The following MYH14 variants were observed in gnomAD, a reference collection of about 807,000 sequenced individuals.
The protein encoded by MYH14 is myosin heavy chain 14.
Under a neutral mutation model 255.5 loss-of-function variants are expected in MYH14, and 123 were observed. The ratio of observed to expected loss-of-function variants is 0.48; its 90% CI spans 0.42 to 0.56. The LOEUF is 0.56. Among genes scored for constraint, MYH14 ranks in the 20% least tolerant of loss-of-function variants. The pLI is 0.00. For missense variants in MYH14, 2,423 were observed against 2,802.3 expected, an observed-to-expected ratio of 0.86 and a Z score of 3.06; for synonymous variants, 1,095 against 1,161.2, an observed-to-expected ratio of 0.94 and a Z score of 1.16.
chr19:50,303,162 T>C (rs944137435), intron 40 of MYH14, among the ~76,000 whole-genome samples: 8 of 152,212 alleles, frequency 5.3e-5, no homozygotes, highest in African/African-American at 1.7e-4. Context: ...TTCTGCTCAT[T>C]TGGGCTTGGT....
intron 11 of MYH14, among the ~76,000 whole-genome samples, chr19:50,244,557 C>T (rs964126849): frequency 7.3e-5 from 11 of 149,684 alleles, no homozygotes; most frequent in Non-Finnish European, 1.6e-4. Flanking sequence ...GATCTCAGCT[C>T]ACTGCAAGCT....
At chr19:50,239,911 C>T (rs2033823431) in intron 10 of MYH14, among the ~76,000 whole-genome samples, 1 of 152,164 alleles carries the variant, frequency 6.6e-6, no homozygotes, top group African/African-American at 2.4e-5. Flanking sequence ...ATAAAAGGAG[C>T]ACAGGCCCTT....
intron 40 of MYH14, among the ~76,000 whole-genome samples, chr19:50,304,090 C>A (rs2036579432): frequency 6.6e-6 from 1 of 152,076 alleles, no homozygotes; most frequent in Non-Finnish European, 1.5e-5. Flanking sequence ...TGTATGATAC[C>A]ACATAATCCC....
At chr19:50,236,172 A>T (rs1176387343) in intron 10 of MYH14, among the ~76,000 whole-genome samples, 2 of 151,974 alleles carry the variant, frequency 1.3e-5, no homozygotes, top group Non-Finnish European at 2.9e-5. Context: ...TCTTTACAAA[A>T]AACACAAAAA....
At position 50,309,129 on chromosome 19, in the gene MYH14, C is replaced by T. The variant is rs777517519; in HGVS notation, c.5912C>T (p.Ser1971Leu). ...CGTGAGCTGGAAGATGTCACAGAGT[C>T]GGCCGAGTCCATGAACCGTGAAGTG... ...LQRELEDVTE[S>L]AESMNREVTT... Residue 1971 changes from serine (S) to leucine (L), a missense_variant, in exon 42 of 43, where the codon TCG becomes TTG. Physicochemically the swap from Ser to Leu is moderately radical, Grantham distance 145. Around this residue, in one of 3 missense-constraint regions of MYH14, gnomAD observed 1,513 missense variants for 1,674.8 expected, o/e 0.90. Coordinates refer to ENST00000642316, the MANE Select transcript of MYH14 (RefSeq NM_001145809.2). 23 of 1,613,866 alleles carry T rather than the reference C, an allele frequency of 1.4e-5. No individual in the cohort carries two copies. Among genetic ancestry groups the T allele is most frequent in the Middle Eastern group, 1.7e-4 (1 of 6,058 alleles).
At chr19:50,245,467 G>C (rs1456954875) in intron 11 of MYH14, among the ~76,000 whole-genome samples, 1 of 141,586 alleles carries the variant, frequency 7.1e-6, no homozygotes. Flanking sequence ...AAGAAAGAAA[G>C]AAAAAGAAAA....
Position 50,292,400 on chromosome 19 carries a change from G to C in MYH14, c.5256+11G>C, listed in dbSNP as rs757625429. 21 of 1,564,872 alleles carry C rather than the reference G, an allele frequency of 1.3e-5. No individual in the cohort carries two copies. In the African/African-American group the frequency reaches 2.0e-4, roughly 15 times the overall value. On this transcript the variant is annotated intron_variant, in intron 37 of 42. Coordinates refer to ENST00000642316, the MANE Select transcript of MYH14 (RefSeq NM_001145809.2). ...CTGCGGCTGCAGGAGGTGAGGCTGGGGTAGGCTGGGCCCTGGGACAGGAAG... is the reference window on the plus strand; with the variant it reads ...CTGCGGCTGCAGGAGGTGAGGCTGGCGTAGGCTGGGCCCTGGGACAGGAAG...
chr19:50,293,335 G>A lies in MYH14; in HGVS notation c.5345+14G>A. 6.3e-7 allele frequency: 1 copy of A among 1,587,102 alleles called. No individual in the cohort carries two copies. The highest frequency in any genetic ancestry group is 2.3e-5 in the East Asian group (1 of 43,780). On this transcript the variant is annotated intron_variant, in intron 38 of 42. Coordinates refer to ENST00000642316, the MANE Select transcript of MYH14 (RefSeq NM_001145809.2). The surrounding 1 kb of genome is among the most constrained non-coding windows in gnomAD (Gnocchi z 4.1). ...TAACCTTAGCAAGTAAGTGCCCCAAGGGTCTGAAGGCTGAGGTACTGCGTC... is the reference window on the plus strand; with the variant it reads ...TAACCTTAGCAAGTAAGTGCCCCAAAGGTCTGAAGGCTGAGGTACTGCGTC...
intron 33 of MYH14, 47 bp from the exon 34 acceptor site, chr19:50,286,435 T>C (rs773022870): frequency 3.9e-6 from 6 of 1,555,910 alleles, no homozygotes; most frequent in Non-Finnish European, 5.2e-6. Flanking sequence ...TGTACACTCC[T>C]TTCAGCTAAT....
In MYH14 at chr19:50,230,434, G is replaced by C; in HGVS notation, c.875-91G>C. On this transcript the variant is annotated intron_variant, in intron 8 of 42. Transcript: ENST00000642316. This position sits in a 1 kb window ranked among gnomAD's most constrained non-coding sequence, Gnocchi z 4.7. ...GACTCCACTACACCACAGGAGAGAAGGGGGCAGCGTGGGCAGGGCAGGCTC... is the reference window on the plus strand; with the variant it reads ...GACTCCACTACACCACAGGAGAGAACGGGGCAGCGTGGGCAGGGCAGGCTC... 8.8e-7 allele frequency: 1 copy of C among 1,138,368 alleles called. No individual in the cohort carries two copies. The allele number at this position is 1,138,368 out of a possible 1,614,324, so 70.5% of individuals were successfully genotyped here.
Position 50,210,747 on chromosome 19 carries a change from C to T in MYH14, c.382C>T (p.Arg128Trp). The change falls in exon 2 of 43, where the codon CGG (arginine) becomes TGG (tryptophan). Residue 128 changes from arginine (R) to tryptophan (W), a missense_variant. Physicochemically the swap from Arg to Trp is moderately radical, Grantham distance 101. Around this residue, in one of 3 missense-constraint regions of MYH14, gnomAD observed 238 missense variants for 245.8 expected, o/e 0.97. Coordinates refer to ENST00000642316, the MANE Select transcript of MYH14 (RefSeq NM_001145809.2). The part of the protein sequence containing the change: ...EASVLHNLRE[R>W]YYSGLIYTYS... ...CTCGGTCCTGCACAACCTCCGGGAG[C>T]GGTACTACTCCGGCCTCATCTACGT... 1 of 1,579,636 alleles carries T rather than the reference C, an allele frequency of 6.3e-7. No individual in the cohort carries two copies. Among genetic ancestry groups the T allele is most frequent in the Non-Finnish European group, 8.6e-7 (1 of 1,163,724 alleles).
intron 8 of MYH14, among the ~76,000 whole-genome samples, chr19:50,229,463 C>T (rs1252037491): frequency 6.6e-6 from 1 of 152,066 alleles, no homozygotes; most frequent in African/African-American, 2.4e-5. Flanking sequence ...GTCAGACCTC[C>T]TCTCTACTAA....
intron 24 of MYH14, among the ~76,000 whole-genome samples, chr19:50,270,521 C>CAAAA (rs200748159): frequency 1.9e-5 from 1 of 52,906 alleles, no homozygotes; most frequent in Non-Finnish European, 4.1e-5. Flanking sequence ...AACTCCGTCT[C>CAAAA]AAAAAAAAAA....
intron 1 of MYH14, among the ~76,000 whole-genome samples, chr19:50,206,493 T>C (rs1314255904): frequency 1.3e-5 from 2 of 151,906 alleles, no homozygotes; most frequent in Non-Finnish European, 2.9e-5. Flanking sequence ...ACTGGAGATA[T>C]GGGGTGAGCC....
Position 50,276,825 on chromosome 19 carries a change from C to A in MYH14, c.3749C>A (p.Ala1250Glu), listed in dbSNP as rs11669191. 0.027 allele frequency: 42,804 copies of A among 1,599,232 alleles called. 651 individuals are homozygous for A. Among genetic ancestry groups the A allele is most frequent in the Non-Finnish European group, 0.032 (37,678 of 1,172,098 alleles). ...TLEEETRIHE[A>E]AVQELRQRHG... ...GAGGAGGAGACTCGCATCCACGAGG[C>A]GGCAGTGCAGGAGCTGAGGCAGCGC... The change falls in exon 29 of 43, where the codon GCG becomes GAG. Residue 1250 changes from alanine to glutamate, a missense_variant. Ala to Glu is a moderately radical substitution (Grantham distance 107). Coordinates refer to ENST00000642316, the MANE Select transcript of MYH14 (RefSeq NM_001145809.2). The surrounding 1 kb of genome is among the most constrained non-coding windows in gnomAD (Gnocchi z 4.3).
intron 21 of MYH14, 56 bp downstream of exon 21, chr19:50,261,691 G>T: frequency 6.7e-7 from 1 of 1,501,328 alleles, no homozygotes; most frequent in Non-Finnish European, 8.9e-7. Context: ...GTCAGGGAGG[G>T]GTTGACCAGA....
rs144880079 is a variant in MYH14, at chr19:50,286,006, G to A, written c.4540-476G>A. On this transcript the variant is annotated intron_variant, in intron 33 of 42. Transcript: ENST00000642316. ...CCTCTTCACCCATTGTATCTGTCTC[G>A]TTCTGAAACTTATCATGAAGTCCTT... 1.6e-3 allele frequency: 249 copies of A among 152,580 alleles called. 2 individuals carry two copies. Among genetic ancestry groups the A allele is most frequent in the East Asian group, 0.013 (66 of 5,192 alleles). The allele number at this position is 152,580 out of a possible 1,614,324, so 9.5% of individuals were successfully genotyped here.
chr19:50,302,944 G>C (rs1488278913), intron 40 of MYH14, among the ~76,000 whole-genome samples: 1 of 152,168 alleles, frequency 6.6e-6, no homozygotes, highest in Non-Finnish European at 1.5e-5. Context: ...AACAAACAAA[G>C]TGTGTAAATA....
chr19:50,305,670 G>A (rs1228826696), intron 40 of MYH14, among the ~76,000 whole-genome samples: 1 of 152,166 alleles, frequency 6.6e-6, no homozygotes, highest in Admixed American at 6.5e-5. Flanking sequence ...GCTCATGCCT[G>A]TAATCCCCAC....
Sources: gnomAD v4.1 joint callset for allele counts (sites outside exome capture counted in the v4.1 genomes callset) on GRCh38, gnomAD v4.1.1 for gene constraint, gnomAD v4.1.1 regional missense constraint, Gnocchi (gnomAD v3.1) non-coding constraint, MANE v1.5 for transcripts, NCBI Gene and HGNC (gene_info 2026-07-23, HGNC 2026-07-21) for gene names.